Variants in KRABD3 observed in about 807,000 individuals in gnomAD.
KRABD3 encodes the protein KRAB domain-containing protein 3.
chr7:149,730,084 A>T, the KRABD3 span: 1 of 1,441,178 alleles, frequency 6.9e-7, no homozygotes, highest in Admixed American at 2.9e-5. Flanking sequence ...GTGCCCAGAC[A>T]CTAAGGCAGA....
the KRABD3 span, among the ~76,000 whole-genome samples, chr7:149,716,790 G>A: frequency 6.6e-6 from 1 of 152,112 alleles, no homozygotes; most frequent in Admixed American, 6.5e-5. Context: ...CGGGCATTAG[G>A]CAGACAGGTC....
chr7:149,723,715 C>T, the KRABD3 span: 1 of 1,546,054 alleles, frequency 6.5e-7, no homozygotes, highest in Non-Finnish European at 8.7e-7. Flanking sequence ...CAGGTGAAAA[C>T]ATGTTCCTTT....
At chr7:149,725,913 C>G in the KRABD3 span, 1 of 1,595,496 alleles carries the variant, frequency 6.3e-7, no homozygotes, top group Admixed American at 1.7e-5. Flanking sequence ...TGTTCTGCCT[C>G]TGGGTCTGCA....
the KRABD3 span, chr7:149,723,660 G>C: frequency 6.7e-7 from 1 of 1,487,528 alleles, no homozygotes; most frequent in Non-Finnish European, 9.2e-7. Context: ...CTTCTAACTT[G>C]TCCCCTGTTT....
the KRABD3 span, chr7:149,731,826 C>T: frequency 3.3e-4 from 480 of 1,433,716 alleles, 1 homozygote; most frequent in Middle Eastern, 1.2e-3. Context: ...GGACCCAGAG[C>T]CCCAGCTTGG....
chr7:149,726,216 G>T, the KRABD3 span, among the ~76,000 whole-genome samples: 2 of 152,214 alleles, frequency 1.3e-5, no homozygotes, highest in African/African-American at 4.8e-5. Flanking sequence ...CTTATCTTGG[G>T]TGGGTTGTGG....
At chr7:149,716,010 G>A in the KRABD3 span, among the ~76,000 whole-genome samples, 2 of 152,176 alleles carry the variant, frequency 1.3e-5, no homozygotes, top group Non-Finnish European at 2.9e-5. Flanking sequence ...CTCACACTAC[G>A]TAGCTTCATG....
the KRABD3 span, chr7:149,721,865 G>T: frequency 2.0e-6 from 1 of 511,644 alleles, no homozygotes; most frequent in South Asian, 1.7e-5. Context: ...GCACTGGTCT[G>T]ATCCTTAGAC....
At chr7:149,729,117 C>T in the KRABD3 span, 1 of 1,244,334 alleles carries the variant, frequency 8.0e-7, no homozygotes, top group Non-Finnish European at 1.1e-6. Flanking sequence ...GAAACTGTTC[C>T]CTGTCCCTTC....
chr7:149,725,530 G>A, the KRABD3 span: 13 of 1,543,316 alleles, frequency 8.4e-6, no homozygotes, highest in East Asian at 2.3e-5. Context: ...GTCCCTGAGC[G>A]TGGCAGCGGA....
At chr7:149,730,355 G>C in the KRABD3 span, 2 of 1,545,144 alleles carry the variant, frequency 1.3e-6, no homozygotes, top group Non-Finnish European at 1.8e-6. Flanking sequence ...AGCCTGTGCG[G>C]AGAGGGAGGA....
chr7:149,733,113 C>CA, the KRABD3 span: 521 of 1,428,542 alleles, frequency 3.6e-4, 1 homozygote, highest in African/African-American at 6.4e-3. Context: ...TTGGAGGAGG[C>CA]AGAGTACTGA....
chr7:149,734,229 G>A, the KRABD3 span: 2 of 760,486 alleles, frequency 2.6e-6, no homozygotes, highest in Non-Finnish European at 4.1e-6. Flanking sequence ...TCAGGAGGCT[G>A]CTGTGGGGGT....
At chr7:149,716,529 C>G in the KRABD3 span, among the ~76,000 whole-genome samples, 1 of 152,248 alleles carries the variant, frequency 6.6e-6, no homozygotes, top group South Asian at 2.1e-4. Flanking sequence ...AACCCTCACT[C>G]TTTGCTTTTT....
chr7:149,723,129 G>T, the KRABD3 span, among the ~76,000 whole-genome samples: 1 of 152,268 alleles, frequency 6.6e-6, no homozygotes, highest in Non-Finnish European at 1.5e-5. Flanking sequence ...CGTTTGGTCA[G>T]CTGGGAAAAG....
At chr7:149,726,167 A>G in the KRABD3 span, 1 of 998,670 alleles carries the variant, frequency 1.0e-6, no homozygotes, top group Non-Finnish European at 1.4e-6. Flanking sequence ...CCGTGCTGGG[A>G]GCAGAGCCAG....
chr7:149,734,258 C>T, the KRABD3 span: 3 of 617,140 alleles, frequency 4.9e-6, no homozygotes. Context: ...CAGCCTCTGG[C>T]CCTCTTGGCT....
chr7:149,728,867 T>G, the KRABD3 span, among the ~76,000 whole-genome samples: 1 of 152,160 alleles, frequency 6.6e-6, no homozygotes, highest in Non-Finnish European at 1.5e-5. Context: ...GGCACCTTAG[T>G]GCCACTGTCT....
chr7:149,721,800 C>G, the KRABD3 span: 2 of 638,082 alleles, frequency 3.1e-6, no homozygotes, highest in African/African-American at 3.6e-5. Flanking sequence ...CACAGAAAGT[C>G]TCCGGCAGTT....
Sources: allele counts gnomAD v4.1 joint callset (sites outside exome capture counted in the v4.1 genomes callset), GRCh38; gene constraint gnomAD v4.1.1; transcripts MANE v1.5; gene names NCBI Gene and HGNC (gene_info 2026-07-23, HGNC 2026-07-21).